TMEM26: variants seen among roughly 807,000 people sequenced by gnomAD.
The protein encoded by TMEM26 is transmembrane protein 26.
In TMEM26, 38 loss-of-function variants were observed where a neutral mutation model predicts 28.8. The ratio of observed to expected loss-of-function variants is 1.32; its 90% CI spans 1.02 to 1.73. The LOEUF (loss-of-function observed/expected upper bound fraction) is 1.73, where lower values mean the gene tolerates loss of function less well. Among genes scored for constraint, TMEM26 ranks in the 40% most tolerant of loss-of-function variants. The pLI is 0.00. For missense variants in TMEM26, 518 were observed against 447.1 expected (o/e 1.16, Z -1.43); for synonymous variants, 227 against 182.9 (o/e 1.24, Z -1.95).
intron 5 of TMEM26, among the ~76,000 whole-genome samples, chr10:61,412,562 A>C (rs944753092): frequency 6.6e-6 from 1 of 152,166 alleles, no homozygotes; most frequent in East Asian, 1.9e-4. Context: ...ATTTCTTTGG[A>C]GTAAAGTGAC....
intron 4 of TMEM26, among the ~76,000 whole-genome samples, chr10:61,415,842 G>A (rs1038542034): frequency 2.6e-5 from 4 of 152,040 alleles, no homozygotes; most frequent in African/African-American, 9.7e-5. Context: ...AAAGCATTCA[G>A]AGTCATGATC....
intron 4 of TMEM26, among the ~76,000 whole-genome samples, chr10:61,423,157 G>A (rs1400455088): frequency 2.6e-5 from 4 of 151,974 alleles, no homozygotes; most frequent in African/African-American, 9.7e-5. Context: ...AGAAGAAATA[G>A]AATATCTAAA....
intron 1 of TMEM26, among the ~76,000 whole-genome samples, chr10:61,441,510 C>A (rs546321798): frequency 7.9e-4 from 120 of 152,022 alleles, no homozygotes; most frequent in African/African-American, 2.8e-3. Flanking sequence ...ATTAATAAAC[C>A]AGGTTTTATT....
At chr10:61,419,862 C>T (rs1406768385) in intron 4 of TMEM26, among the ~76,000 whole-genome samples, 1 of 151,610 alleles carries the variant, frequency 6.6e-6, no homozygotes, top group Non-Finnish European at 1.5e-5. Flanking sequence ...AGCAAAGATC[C>T]ACACTTAGAC....
chr10:61,430,366 A>G (rs562299760), intron 3 of TMEM26, among the ~76,000 whole-genome samples: 3 of 152,004 alleles, frequency 2.0e-5, no homozygotes, highest in Non-Finnish European at 4.4e-5. Flanking sequence ...CAGCCTTATG[A>G]AGAAAAAGGA....
rs189718184 is a variant in TMEM26, at chr10:61,453,289, G to A, written c.-208C>T. 1.5e-5 allele frequency: 9 copies of A among 583,208 alleles called. No individual in the cohort carries two copies. The East Asian group carries it at 2.6e-4, about 17-fold the overall frequency. The allele number at this position is 583,208 out of a possible 1,614,324, so 36.1% of individuals were successfully genotyped here. ...ACTTCCTGAGAACTCTTCAAAGAGG[G>A]GTGAGTCCAAACCCAGCTTTTCCAG... On this transcript the variant is annotated 5_prime_UTR_variant, in exon 1 of 6. Coordinates refer to ENST00000399298, the MANE Select transcript of TMEM26 (RefSeq NM_178505.8).
chr10:61,445,631 A>G (rs1212747070), intron 1 of TMEM26, among the ~76,000 whole-genome samples: 1 of 152,198 alleles, frequency 6.6e-6, no homozygotes, highest in Non-Finnish European at 1.5e-5. Flanking sequence ...TATATTTTCA[A>G]TATGACTTTC....
intron 1 of TMEM26, among the ~76,000 whole-genome samples, chr10:61,437,215 C>T (rs777153920): frequency 3.9e-5 from 6 of 152,124 alleles, no homozygotes; most frequent in East Asian, 3.9e-4. Context: ...GGGACCCTAC[C>T]TTTAAGACCT....
At chr10:61,419,753 A>T (rs1032131995) in intron 4 of TMEM26, among the ~76,000 whole-genome samples, 4 of 152,112 alleles carry the variant, frequency 2.6e-5, no homozygotes, top group African/African-American at 9.7e-5. Context: ...GATAGAAAAG[A>T]GAGGAGAAAA....
Position 61,429,063 on chromosome 10 carries a change from T to G in TMEM26, c.468A>C (p.Leu156=). ...LGLHQTFLLM[L]IIGRWLLPIG... is the part of the protein sequence containing the mutation. ...TGGGTAGAAGCCATCTTCCAATTATTAGCATTAACAGGAATGTCTGATGGA... is the reference window on the plus strand; with the variant it reads ...TGGGTAGAAGCCATCTTCCAATTATGAGCATTAACAGGAATGTCTGATGGA... The change falls in exon 4 of 6, where the codon CTA becomes CTC. Residue 156 remains leucine (L), a synonymous_variant. Coordinates refer to ENST00000399298, the MANE Select transcript of TMEM26 (RefSeq NM_178505.8). 2 of 1,613,382 alleles carry G rather than the reference T, an allele frequency of 1.2e-6. No homozygotes were observed. Among genetic ancestry groups the G allele is most frequent in the Non-Finnish European group, 1.7e-6 (2 of 1,179,490 alleles).
Position 61,408,017 on chromosome 10 carries a change from G to A in TMEM26, c.*2305C>T, listed in dbSNP as rs1839517213. ...ATATTTAATCAGGAGTCTTAGGAAT[G>A]GCTAATATATAACCTAGGTTTAGAG... is the stretch of plus-strand genomic sequence containing the variant. On this transcript the variant is annotated 3_prime_UTR_variant, in exon 6 of 6. Coordinates refer to ENST00000399298, the MANE Select transcript of TMEM26 (RefSeq NM_178505.8). 1 of 152,152 alleles carries A rather than the reference G, an allele frequency of 6.6e-6. No homozygotes were observed. The highest frequency in any genetic ancestry group is 6.5e-5 in the Admixed American group (1 of 15,270). 9.4% of individuals were successfully genotyped at this position (152,152 alleles called of 1,614,324 possible).
At chr10:61,419,520 C>A (rs866502433) in intron 4 of TMEM26, among the ~76,000 whole-genome samples, 7 of 149,044 alleles carry the variant, frequency 4.7e-5, no homozygotes, top group African/African-American at 1.8e-4. Context: ...TGAAAATATG[C>A]AAACTGAAGT....
At chr10:61,430,262 C>A (rs1839899868) in intron 3 of TMEM26, among the ~76,000 whole-genome samples, 1 of 151,982 alleles carries the variant, frequency 6.6e-6, no homozygotes, top group East Asian at 1.9e-4. Flanking sequence ...CATTAAACCT[C>A]ACAGAACCAA....
chr10:61,452,166 G>T (rs1840295433), intron 1 of TMEM26, among the ~76,000 whole-genome samples: 1 of 152,136 alleles, frequency 6.6e-6, no homozygotes. Context: ...CAAGCCTTTC[G>T]GGGAGGAAAT....
chr10:61,417,730 T>C (rs867999623), intron 4 of TMEM26, among the ~76,000 whole-genome samples: 1 of 151,908 alleles, frequency 6.6e-6, no homozygotes, highest in Non-Finnish European at 1.5e-5. Context: ...TATTAATATG[T>C]TGGGGGGAAA....
chr10:61,438,397 A>G (rs1429840385), intron 1 of TMEM26, among the ~76,000 whole-genome samples: 3 of 152,182 alleles, frequency 2.0e-5, no homozygotes, highest in Non-Finnish European at 4.4e-5. Context: ...TCTAGGTAAG[A>G]GGGACAGTAG....
In TMEM26 at chr10:61,410,495, G is replaced by T; in HGVS notation, c.934C>A (p.Arg312Ser). Residue 312 changes from arginine to serine, a missense_variant, in exon 6 of 6, where the codon CGT becomes AGT. Transcript: ENST00000399298. The stretch of plus-strand genomic sequence containing the variant: ...TCTGACTGACTTCTCAACGAAGCAC[G>T]GACTGCCAATGCCAGCACCACCAAG... ...YRLVVLALAV[R>S]ASLRSQSEGL... The T allele has an allele frequency of 6.2e-6, 10 of 1,614,058 alleles. No individual in the cohort carries two copies. The highest frequency in any genetic ancestry group is 8.5e-6 in the Non-Finnish European group (10 of 1,180,008).
rs1589022959 is a variant in TMEM26, at chr10:61,410,721, A to G, written c.708T>C (p.Ser236=). The change falls in exon 6 of 6, where the codon TCT becomes TCC. Residue 236 remains serine, a synonymous_variant. Coordinates refer to ENST00000399298, the MANE Select transcript of TMEM26 (RefSeq NM_178505.8). ...GGCTGGGGAATCCCCTCTCTGTCAC[A>G]GACACAGGGCACACAACGTTCTGTA... ...LAVQNVVCPV[S]VTERGFPSLF... is the part of the protein sequence containing the mutation. 1.2e-6 allele frequency: 2 copies of G among 1,614,138 alleles called. No individual in the cohort carries two copies. The highest frequency in any genetic ancestry group is 1.7e-6 in the Non-Finnish European group (2 of 1,180,006).
intron 4 of TMEM26, among the ~76,000 whole-genome samples, chr10:61,428,206 C>A (rs1028803183): frequency 1.1e-4 from 17 of 151,950 alleles, no homozygotes; most frequent in African/African-American, 3.9e-4. Context: ...GCAAAACAAC[C>A]CAAGCTTAAA....
Sources: allele counts gnomAD v4.1 joint callset (sites outside exome capture counted in the v4.1 genomes callset), GRCh38; gene constraint gnomAD v4.1.1; transcripts MANE v1.5; gene names NCBI Gene and HGNC (gene_info 2026-07-23, HGNC 2026-07-21).